Variants in MED13 observed in about 807,000 individuals in gnomAD.
The protein encoded by MED13 is mediator of RNA polymerase II transcription subunit 13.
Under a neutral mutation model 225.2 loss-of-function variants are expected in MED13, and 23 were observed. The ratio of observed to expected loss-of-function variants is 0.10; its 90% CI spans 0.07 to 0.14. The LOEUF (loss-of-function observed/expected upper bound fraction) is 0.14, where lower values mean the gene tolerates loss of function less well. MED13 is among the 10% of genes least tolerant of loss of function. The probability of loss-of-function intolerance (pLI) is 1.00; values close to 1 mark genes in which losing one functional copy is unlikely to be tolerated. For synonymous variants in MED13, 942 were observed against 889.2 expected (o/e 1.06, Z -1.06); for missense variants, 2,197 against 2,594.5 (o/e 0.85, Z 3.33).
intron 27 of MED13, 136 bp from the exon 28 acceptor site, chr17:61,951,134 A>T: frequency 1.6e-6 from 1 of 609,186 alleles, no homozygotes; most frequent in Non-Finnish European, 2.6e-6. Flanking sequence ...GGATATTGAA[A>T]AAAAACCAGT....
In MED13 at chr17:61,964,600, T is replaced by TA. The variant is rs2080037546; in HGVS notation, c.4844+405dup. 2.6e-5 allele frequency among the ~76,000 whole-genome samples: 4 copies of TA among 151,950 alleles called. 1 individual carries two copies. In the South Asian group the frequency reaches 6.2e-4, roughly 24 times the overall value. On this transcript the variant is annotated intron_variant, in intron 20 of 29. Coordinates refer to ENST00000397786, the MANE Select transcript of MED13 (RefSeq NM_005121.3). ...ACAAACTAAAATTTCAAGACTAAGATAAAAAAGCACTTTATGCTCATTCAA... is the reference window on the plus strand; with the variant it reads ...ACAAACTAAAATTTCAAGACTAAGATAAAAAAAGCACTTTATGCTCATTCAA...
chr17:61,988,559 AAAAC>A (rs979688415), intron 11 of MED13, among the ~76,000 whole-genome samples: 2 of 152,208 alleles, frequency 1.3e-5, no homozygotes, highest in African/African-American at 4.8e-5. Flanking sequence ...ATACTTACTA[AAAAC>A]CAAGATTTTG....
intron 8 of MED13, among the ~76,000 whole-genome samples, chr17:62,015,913 C>CATATAT (rs1369178569): frequency 8.3e-5 from 1 of 12,054 alleles, no homozygotes; most frequent in Non-Finnish European, 1.4e-4. Flanking sequence ...ACACACTATA[C>CATATAT]ACATATATAT....
At position 61,958,808 on chromosome 17, in the gene MED13, A is replaced by G. The variant is rs373021801; in HGVS notation, c.5480+2059T>C. On this transcript the variant is annotated intron_variant, in intron 23 of 29. Coordinates refer to ENST00000397786, the MANE Select transcript of MED13 (RefSeq NM_005121.3). ...ATGACTTACTGAGCACTTACTATGTACCATCCATTGTGCCCAATCAATTTA... is the reference window on the plus strand; with the variant it reads ...ATGACTTACTGAGCACTTACTATGTGCCATCCATTGTGCCCAATCAATTTA... 6.6e-5 allele frequency among the ~76,000 whole-genome samples: 10 copies of G among 152,294 alleles called. No homozygotes were observed. In the East Asian group the frequency reaches 1.7e-3, roughly 27 times the overall value.
chr17:62,012,453 C>G (rs2080520298), intron 8 of MED13, among the ~76,000 whole-genome samples: 1 of 151,210 alleles, frequency 6.6e-6, no homozygotes, highest in Non-Finnish European at 1.5e-5. Context: ...CCTCAGCCTC[C>G]CTAGCAGATG....
chr17:62,063,618 T>C (rs564383315), intron 1 of MED13, among the ~76,000 whole-genome samples: 16 of 152,302 alleles, frequency 1.1e-4, no homozygotes, highest in African/African-American at 3.6e-4. Context: ...TTTTTCTCTG[T>C]CCTAACTGGT....
intron 28 of MED13, among the ~76,000 whole-genome samples, chr17:61,950,465 C>A (rs1401725968): frequency 1.3e-5 from 2 of 151,216 alleles, no homozygotes; most frequent in Non-Finnish European, 2.9e-5. Flanking sequence ...CTCACTGCAA[C>A]CTCTGCCTCC....
chr17:61,997,741 C>T (rs2080358308), intron 9 of MED13, among the ~76,000 whole-genome samples: 1 of 152,030 alleles, frequency 6.6e-6, no homozygotes, highest in South Asian at 2.1e-4. Context: ...TCTCCCTTCC[C>T]CCAGCCTGAA....
intron 2 of MED13, among the ~76,000 whole-genome samples, chr17:62,060,523 G>A (rs2081030319): frequency 6.6e-6 from 1 of 150,956 alleles, no homozygotes; most frequent in Non-Finnish European, 1.5e-5. Flanking sequence ...AGGAGGCTGA[G>A]GTAGTAGGAG....
intron 3 of MED13, 41 bp downstream of exon 3, chr17:62,052,496 A>T (rs1284901045): frequency 6.9e-7 from 1 of 1,444,024 alleles, no homozygotes; most frequent in East Asian, 2.3e-5. Flanking sequence ...AAAAAGGAAC[A>T]AATCTAAAGA....
chr17:61,986,142 G>A (rs2080245652), intron 12 of MED13, among the ~76,000 whole-genome samples: 1 of 152,132 alleles, frequency 6.6e-6, no homozygotes, highest in Non-Finnish European at 1.5e-5. Context: ...GTATGAATGT[G>A]CCAAAGCATT....
intron 28 of MED13, among the ~76,000 whole-genome samples, chr17:61,949,119 T>C (rs2079875699): frequency 6.6e-6 from 1 of 152,082 alleles, no homozygotes; most frequent in African/African-American, 2.4e-5. Context: ...GAGTCACATC[T>C]AAATTTGTTA....
At position 61,966,465 on chromosome 17, in the gene MED13, G is replaced by A. The variant is rs1215919965; in HGVS notation, c.4378C>T (p.Leu1460=). Residue 1460 remains leucine (L), a synonymous_variant, in exon 19 of 30, where the codon CTA becomes TTA. Transcript: ENST00000397786. ...ACAATAAATACAAATTCAATACCTAGGTCATATCTGCAGACTTGTGCATAA... is the reference window on the plus strand; with the variant it reads ...ACAATAAATACAAATTCAATACCTAAGTCATATCTGCAGACTTGTGCATAA... ...KLYAQVCRYD[L]GPYLASLPLD... is the part of the protein sequence containing the mutation. 1 of 1,609,338 alleles carries A rather than the reference G, an allele frequency of 6.2e-7. No individual in the cohort carries two copies. Among genetic ancestry groups the A allele is most frequent in the East Asian group, 2.2e-5 (1 of 44,646 alleles).
intron 8 of MED13, among the ~76,000 whole-genome samples, chr17:62,019,655 T>C (rs867042341): frequency 6.6e-6 from 1 of 152,320 alleles, no homozygotes; most frequent in Non-Finnish European, 1.5e-5. Context: ...TTCTCTAAAT[T>C]TTTGACAACA....
intron 3 of MED13, among the ~76,000 whole-genome samples, chr17:62,039,135 T>C (rs2080831030): frequency 6.6e-6 from 1 of 152,174 alleles, no homozygotes; most frequent in South Asian, 2.1e-4. Context: ...CCCTATTTAC[T>C]AACAACACTC....
intron 2 of MED13, among the ~76,000 whole-genome samples, chr17:62,062,460 CTCT>C (rs71747156): frequency 0.024 from 3,665 of 151,084 alleles, 59 homozygotes; most frequent in Middle Eastern, 0.09. Context: ...TGGCACTTTT[CTCT>C]TATTATGTTT....
At position 61,966,697 on chromosome 17, in the gene MED13, T is replaced by C. The variant is rs752792169; in HGVS notation, c.4192-46A>G. 4.5e-6 allele frequency: 6 copies of C among 1,328,812 alleles called. No individual in the cohort carries two copies. The Admixed American group carries it at 1.4e-4, about 31-fold the overall frequency. The allele number at this position is 1,328,812 out of a possible 1,614,324, so 82.3% of individuals were successfully genotyped here. The stretch of plus-strand genomic sequence containing the variant: ...AGCAGAATTAGTAAATTTATTATTG[T>C]ATTTAGATACACATTATAAAACCAA... On this transcript the variant is annotated intron_variant, in intron 18 of 29. Transcript: ENST00000397786.
chr17:62,057,140 A>G (rs929874736), intron 2 of MED13, among the ~76,000 whole-genome samples: 2 of 152,228 alleles, frequency 1.3e-5, no homozygotes, highest in African/African-American at 4.8e-5. Context: ...ACAATTTTGC[A>G]AAACTATTAA....
At chr17:62,020,231 CTT>C (rs202093070) in intron 8 of MED13, among the ~76,000 whole-genome samples, 21 of 146,450 alleles carry the variant, frequency 1.4e-4, no homozygotes, top group South Asian at 6.5e-4. Flanking sequence ...AGCAGCCTTT[CTT>C]TTTTTTTTTA....
Sources: allele counts gnomAD v4.1 joint callset (sites outside exome capture counted in the v4.1 genomes callset), GRCh38; gene constraint gnomAD v4.1.1; transcripts MANE v1.5; gene names NCBI Gene and HGNC (gene_info 2026-07-23, HGNC 2026-07-21).